Variants in CCDC181 observed in about 807,000 individuals in gnomAD.
CCDC181 encodes coiled-coil domain-containing protein 181.
CCDC181 carries 35 observed loss-of-function variants against 58.7 expected under a neutral mutation model. That is an observed-to-expected ratio of 0.60 (90% CI 0.46 to 0.79). CCDC181 has a LOEUF of 0.79. CCDC181 is among the 30% of genes least tolerant of loss of function. The pLI is 0.00. For missense variants in CCDC181, 517 were observed against 583.9 expected (o/e 0.89, Z 1.18); for synonymous variants, 183 against 197.5 (o/e 0.93, Z 0.62).
At chr1:169,400,113 G>T (rs930010715) in intron 4 of CCDC181, among the ~76,000 whole-genome samples, 4 of 152,138 alleles carry the variant, frequency 2.6e-5, no homozygotes, top group Admixed American at 2.6e-4. Context: ...GATAATAAAG[G>T]TTGCATAGTT....
intron 2 of CCDC181, among the ~76,000 whole-genome samples, chr1:169,444,177 C>G (rs1164910009): frequency 6.6e-6 from 1 of 152,144 alleles, no homozygotes; most frequent in African/African-American, 2.4e-5. Flanking sequence ...GTGCCAACAC[C>G]CTTCATTGGG....
Position 169,422,326 on chromosome 1 carries a change from TA to T in CCDC181, c.118-14del, listed in dbSNP as rs756610721. On this transcript the variant is annotated splice_polypyrimidine_tract_variant and intron_variant, in intron 2 of 5. Coordinates refer to ENST00000367806, the MANE Select transcript of CCDC181 (RefSeq NM_001300969.2). ...TCTCACAAGCCATCTAAAAACAAGA[TA>T]TTTTTCAGTCAAAATTGAGATTCTT... 8 of 1,497,878 alleles carry T rather than the reference TA, an allele frequency of 5.3e-6. No individual in the cohort carries two copies. The highest frequency in any genetic ancestry group is 7.2e-6 in the Non-Finnish European group (8 of 1,113,286). The allele number at this position is 1,497,878 out of a possible 1,614,324, so 92.8% of individuals were successfully genotyped here.
intron 2 of CCDC181, among the ~76,000 whole-genome samples, chr1:169,457,980 G>T: frequency 6.6e-6 from 1 of 152,002 alleles, no homozygotes; most frequent in East Asian, 1.9e-4. Flanking sequence ...TGTATTGATA[G>T]ATTCTTTTGT....
intron 1 of CCDC181, among the ~76,000 whole-genome samples, chr1:169,426,791 C>T (rs1313922859): frequency 6.6e-6 from 1 of 152,104 alleles, no homozygotes; most frequent in Non-Finnish European, 1.5e-5. Context: ...CCTGTGTATC[C>T]TGCCAAGACT....
chr1:169,413,597 T>C (rs894570132), intron 4 of CCDC181, among the ~76,000 whole-genome samples: 15 of 152,222 alleles, frequency 9.9e-5, no homozygotes, highest in African/African-American at 3.6e-4. Context: ...CTATTCACAA[T>C]AACAAATACT....
chr1:169,400,649 G>GAA (rs1371611645), intron 4 of CCDC181, among the ~76,000 whole-genome samples: 1 of 152,098 alleles, frequency 6.6e-6, no homozygotes, highest in Non-Finnish European at 1.5e-5. Flanking sequence ...AATAAAAAGA[G>GAA]AATCTCAGTA....
At chr1:169,408,606 C>T (rs1179637937) in intron 4 of CCDC181, among the ~76,000 whole-genome samples, 4 of 152,186 alleles carry the variant, frequency 2.6e-5, no homozygotes, top group Non-Finnish European at 5.9e-5. Context: ...GACTGGGAGA[C>T]ACCTCCCAGC....
At chr1:169,414,452 T>C (rs1243596616) in intron 4 of CCDC181, among the ~76,000 whole-genome samples, 8 of 152,192 alleles carry the variant, frequency 5.3e-5, no homozygotes, top group African/African-American at 1.7e-4. Context: ...TTAACAACAC[T>C]ATCAACCAAC....
At chr1:169,457,472 T>G (rs1372370431) in intron 2 of CCDC181, among the ~76,000 whole-genome samples, 1 of 152,160 alleles carries the variant, frequency 6.6e-6, no homozygotes, top group Non-Finnish European at 1.5e-5. Flanking sequence ...AACAGGTTCT[T>G]GGAAACTGCA....
intron 5 of CCDC181, 137 bp downstream of exon 5, chr1:169,397,099 TG>T (rs1655084848): frequency 3.8e-6 from 2 of 531,362 alleles, no homozygotes; most frequent in Non-Finnish European, 6.0e-6. Context: ...TTTAAAAGCA[TG>T]AATTTAAAAT....
At chr1:169,435,468 G>C (rs1374818964) in intron 2 of CCDC181, among the ~76,000 whole-genome samples, 2 of 152,120 alleles carry the variant, frequency 1.3e-5, no homozygotes, top group African/African-American at 2.4e-5. Context: ...AGTTGAACAT[G>C]TAAGAAAAAT....
At chr1:169,403,109 G>A (rs982716146) in intron 4 of CCDC181, among the ~76,000 whole-genome samples, 8 of 151,976 alleles carry the variant, frequency 5.3e-5, no homozygotes, top group South Asian at 4.2e-4. Flanking sequence ...TGAGAAGAGC[G>A]AACTATCCTA....
In CCDC181 at chr1:169,412,773, A is replaced by C. The variant is rs544346259; in HGVS notation, c.1215+6240T>G. Among the ~76,000 whole-genome samples, 82 of 152,346 alleles carry C rather than the reference A, an allele frequency of 5.4e-4. No homozygotes were observed. The Middle Eastern group carries it at 0.01, about 19-fold the overall frequency. The stretch of plus-strand genomic sequence containing the variant: ...AACCTGACAAAAACAAGAAATGGGG[A>C]AAGGATTCCTTATTTAATAAATGGT... On this transcript the variant is annotated intron_variant, in intron 4 of 5. Coordinates refer to ENST00000367806, the MANE Select transcript of CCDC181 (RefSeq NM_001300969.2).
chr1:169,427,899 T>C (rs1400836), upstream of CCDC181, among the ~76,000 whole-genome samples: 101,555 of 152,008 alleles, frequency 0.67, 34,158 homozygotes, highest in East Asian at 0.93. Context: ...CTTTGAGGCA[T>C]GTCAAAATGG....
intron 4 of CCDC181, among the ~76,000 whole-genome samples, chr1:169,407,010 T>C (rs1031839832): frequency 3.7e-5 from 5 of 134,728 alleles, no homozygotes; most frequent in Non-Finnish European, 4.6e-5. Flanking sequence ...TCTTCTAACA[T>C]ACGTAAAATT....
intron 2 of CCDC181, among the ~76,000 whole-genome samples, chr1:169,432,965 A>G (rs1656960068): frequency 6.6e-6 from 1 of 152,096 alleles, no homozygotes. Context: ...TACTGCTATT[A>G]AACATAGTAC....
intron 4 of CCDC181, among the ~76,000 whole-genome samples, chr1:169,407,057 GAA>G (rs33976978): frequency 0.025 from 3,011 of 118,908 alleles, 89 homozygotes; most frequent in Admixed American, 0.073. Flanking sequence ...AGATGAGGCA[GAA>G]AAAAAAAAAA....
At chr1:169,442,365 A>G (rs937851921) in intron 2 of CCDC181, among the ~76,000 whole-genome samples, 1 of 152,024 alleles carries the variant, frequency 6.6e-6, no homozygotes, top group African/African-American at 2.4e-5. Flanking sequence ...AAAAAGTACA[A>G]ATGTCTTGAA....
At chr1:169,455,070 A>AT (rs1490506363) in intron 2 of CCDC181, among the ~76,000 whole-genome samples, 1 of 151,724 alleles carries the variant, frequency 6.6e-6, no homozygotes, top group East Asian at 1.9e-4. Flanking sequence ...AAAATACCAA[A>AT]TTTTTTCTAT....
Sources: allele counts gnomAD v4.1 joint callset (sites outside exome capture counted in the v4.1 genomes callset), GRCh38; gene constraint gnomAD v4.1.1; transcripts MANE v1.5; gene names NCBI Gene and HGNC (gene_info 2026-07-23, HGNC 2026-07-21).